ATP2A3: variants seen among roughly 807,000 people sequenced by gnomAD.
ATP2A3 encodes ATPase sarcoplasmic/endoplasmic reticulum Ca2+ transporting 3.
In ATP2A3, 61 loss-of-function variants were observed where a neutral mutation model predicts 106.8. The observed-to-expected ratio is 0.57, with a 90% CI of 0.46 to 0.71. The LOEUF (loss-of-function observed/expected upper bound fraction) is 0.71. ATP2A3 is among the 30% of genes least tolerant of loss of function. The pLI, the probability that ATP2A3 is intolerant of heterozygous loss-of-function variation, is 0.00. For missense variants in ATP2A3, 1,201 were observed against 1,423.5 expected, an observed-to-expected ratio of 0.84 and a Z score of 2.52; for synonymous variants, 611 against 609.3, an observed-to-expected ratio of 1.00 and a Z score of -0.04.
In ATP2A3 at chr17:3,950,769, C is replaced by T. The variant is rs766895025; in HGVS notation, c.468G>A (p.Gly156=). The T allele has an allele frequency of 5.0e-6, 8 of 1,613,024 alleles. No homozygotes were observed. The highest frequency in any genetic ancestry group is 3.3e-5 in the Admixed American group (2 of 59,990). The change falls in exon 6 of 21, where the codon GGG becomes GGA. Residue 156 remains glycine (G), a synonymous_variant. Coordinates refer to ENST00000397041, the MANE Select transcript of ATP2A3 (RefSeq NM_005173.4). ...GGCGGAGGTCAGCAGGCACTTTGTC[C>T]CCCACTGTGCGGGGAGAATGGCTTG... The part of the protein sequence containing the change: ...VPGDIVEVAV[G]DKVPADLRLI...
chr17:3,958,750 A>G (rs1393362365), intron 1 of ATP2A3, among the ~76,000 whole-genome samples: 1 of 146,630 alleles, frequency 6.8e-6, no homozygotes. Context: ...ATAGACACAC[A>G]TATATATACA....
At position 3,924,717 on chromosome 17, in the gene ATP2A3, C is replaced by T; in HGVS notation, c.*705G>A. 4.4e-6 allele frequency: 2 copies of T among 456,060 alleles called. No homozygotes were observed. Among genetic ancestry groups the T allele is most frequent in the Non-Finnish European group, 8.8e-6 (2 of 226,688 alleles). 28.3% of individuals were successfully genotyped at this position (456,060 alleles called of 1,614,324 possible). ...AGGCAGTCCAGCCAGGCTTTCCCGA[C>T]TTGTCTCCCGGGAAAGGACATCCTC... On this transcript the variant is annotated 3_prime_UTR_variant, in exon 21 of 21. Transcript: ENST00000397041. This position sits in a 1 kb window ranked among gnomAD's most constrained non-coding sequence, Gnocchi z 6.4.
At chr17:3,959,268 C>G (rs777450516) in intron 1 of ATP2A3, among the ~76,000 whole-genome samples, 3 of 152,104 alleles carry the variant, frequency 2.0e-5, no homozygotes, top group Non-Finnish European at 4.4e-5. Flanking sequence ...TCATATAAAC[C>G]CCCTTTCCAG....
intron 12 of ATP2A3, 104 bp from the exon 13 acceptor site, chr17:3,941,758 A>T (rs1170690381): frequency 2.5e-6 from 3 of 1,202,638 alleles, no homozygotes; most frequent in Non-Finnish European, 3.6e-6. Flanking sequence ...GGCAAAGGCC[A>T]CCCAAGGGTA....
In ATP2A3 at chr17:3,936,709, G is replaced by T; in HGVS notation, c.2322-240C>A. On this transcript the variant is annotated intron_variant, in intron 15 of 20. Transcript: ENST00000397041. The surrounding 1 kb of genome is among the most constrained non-coding windows in gnomAD (Gnocchi z 5.4). ...TGGACATACCTGCTCTTTAGGCCTA[G>T]CAGAGGCCAAGTACACACACACACA... 1.9e-6 allele frequency: 1 copy of T among 534,268 alleles called. No individual in the cohort carries two copies. 33.1% of individuals were successfully genotyped at this position (534,268 alleles called of 1,614,324 possible).
chr17:3,932,679 A>G (rs1380288103), intron 17 of ATP2A3, among the ~76,000 whole-genome samples: 7 of 152,094 alleles, frequency 4.6e-5, no homozygotes, highest in Admixed American at 6.5e-5. Flanking sequence ...GGCTCAAGTG[A>G]TCTGCCCGCC....
In ATP2A3 at chr17:3,937,447, G is replaced by T; in HGVS notation, c.2290C>A (p.Leu764Ile). The T allele has an allele frequency of 6.2e-7, 1 of 1,612,896 alleles. No homozygotes were observed. The highest frequency in any genetic ancestry group is 1.1e-5 in the South Asian group (1 of 90,926). Residue 764 changes from leucine to isoleucine, a missense_variant, in exon 15 of 21, where the codon CTC becomes ATC. Coordinates refer to ENST00000397041, the MANE Select transcript of ATP2A3 (RefSeq NM_005173.4). Reference sequence around the variant, plus strand: ...ACCTCGCCAACATTGGAGGAGATGAGGTAGCGGATGAATTGCTTCATGTTG... The same window carrying T: ...ACCTCGCCAACATTGGAGGAGATGATGTAGCGGATGAATTGCTTCATGTTG... ...YSNMKQFIRY[L>I]ISSNVGEVVC...
chr17:3,930,287 T>C lies in ATP2A3; in HGVS notation c.2744+14A>G. On this transcript the variant is annotated intron_variant, in intron 18 of 20. Transcript: ENST00000397041. This position sits in a 1 kb window ranked among gnomAD's most constrained non-coding sequence, Gnocchi z 5.4. ...ACTCCTCGGCCCCAGCTCCAGGCCC[T>C]GCGCCCAGCCTACCTGTTGAGGGCA... The C allele has an allele frequency of 1.9e-6, 3 of 1,562,548 alleles. No homozygotes were observed. Among genetic ancestry groups the C allele is most frequent in the Non-Finnish European group, 2.6e-6 (3 of 1,153,298 alleles).
chr17:3,936,484 T>A lies in ATP2A3; in HGVS notation c.2322-15A>T. On this transcript the variant is annotated splice_polypyrimidine_tract_variant and intron_variant, in intron 15 of 20. Transcript: ENST00000397041. This position sits in a 1 kb window ranked among gnomAD's most constrained non-coding sequence, Gnocchi z 5.4. Reference sequence around the variant, plus strand: ...TGAGGAAGATGCTGGAACAGAGTCATGAGCTCTAGCCCCGGTAGGCCTAGC... The same window carrying A: ...TGAGGAAGATGCTGGAACAGAGTCAAGAGCTCTAGCCCCGGTAGGCCTAGC... 1.2e-6 allele frequency: 2 copies of A among 1,613,520 alleles called. No homozygotes were observed. The highest frequency in any genetic ancestry group is 4.5e-5 in the East Asian group (2 of 44,878).
chr17:3,926,949 C>T lies in ATP2A3; in HGVS notation c.2981-1508G>A. ...CTTACACTCCTCCCGTGCTTCCCCA[C>T]TGCCCTGAGGACAATGTCCAGGGTC... On this transcript the variant is annotated intron_variant, in intron 20 of 20. Transcript: ENST00000397041. This position sits in a 1 kb window ranked among gnomAD's most constrained non-coding sequence, Gnocchi z 4.6. 1.0e-6 allele frequency: 1 copy of T among 985,490 alleles called. No homozygotes were observed. The highest frequency in any genetic ancestry group is 1.2e-6 in the Non-Finnish European group (1 of 829,948). The allele number at this position is 985,490 out of a possible 1,614,324, so 61.0% of individuals were successfully genotyped here.
At chr17:3,927,321 T>G (rs2052762707) in intron 20 of ATP2A3, 1 of 985,370 alleles carries the variant, frequency 1.0e-6, no homozygotes, top group Non-Finnish European at 1.2e-6. Flanking sequence ...TTTCTCACTT[T>G]TAAGTTTTCT....
chr17:3,945,104 G>T lies in ATP2A3; in HGVS notation c.1140C>A (p.His380Gln). ...ACGTGGTACCCGAGATGGTGAACTC[G>T]TGCAAAAGGCAGGAGCCCGCATCGG... ...AEADAGSCLLHEFTISGTTYT... is the reference protein window; with the variant it reads ...AEADAGSCLLQEFTISGTTYT... The change falls in exon 9 of 21, where the codon CAC (histidine) becomes CAA (glutamine). Residue 380 changes from histidine (H) to glutamine (Q), a missense_variant. By Grantham distance (24) the His-to-Gln change is conservative (BLOSUM62 0). Around this residue, in one of 2 missense-constraint regions of ATP2A3, gnomAD observed 935 missense variants for 1,176.7 expected, o/e 0.79. Transcript: ENST00000397041. 1 of 1,548,142 alleles carries T rather than the reference G, an allele frequency of 6.5e-7. No homozygotes were observed.
chr17:3,928,798 G>A lies in ATP2A3; in HGVS notation c.2863-18C>T, dbSNP rs1274504996. ...AAAATGAGCTGGCGGGGAGGGGAAGGGAGGTTTGGTTAAAGGAAGGACTGG... is the reference window on the plus strand; with the variant it reads ...AAAATGAGCTGGCGGGGAGGGGAAGAGAGGTTTGGTTAAAGGAAGGACTGG... On this transcript the variant is annotated intron_variant, in intron 19 of 20. Coordinates refer to ENST00000397041, the MANE Select transcript of ATP2A3 (RefSeq NM_005173.4). The surrounding 1 kb of genome is among the most constrained non-coding windows in gnomAD (Gnocchi z 6.1). 1.9e-6 allele frequency: 3 copies of A among 1,546,532 alleles called. No homozygotes were observed. Among genetic ancestry groups the A allele is most frequent in the East Asian group, 4.9e-5 (2 of 41,166 alleles).
Position 3,929,444 on chromosome 17 carries a change from C to T in ATP2A3, c.2746G>A (p.Val916Ile), listed in dbSNP as rs374078983. The T allele has an allele frequency of 1.8e-5, 29 of 1,590,768 alleles. No individual in the cohort carries two copies. The highest frequency in any genetic ancestry group is 1.1e-4 in the Admixed American group (6 of 57,122). The change falls in exon 19 of 21, where the codon GTC becomes ATC. Residue 916 changes from valine to isoleucine, a missense_variant and splice_region_variant. Val to Ile is a conservative substitution (Grantham distance 29, BLOSUM62 3). This residue lies in a region of ATP2A3 where 935 missense variants were observed against 1,176.7 expected (regional missense o/e 0.79). Coordinates refer to ENST00000397041, the MANE Select transcript of ATP2A3 (RefSeq NM_005173.4). The surrounding 1 kb of genome is among the most constrained non-coding windows in gnomAD (Gnocchi z 4.3). ...TIEMCNALNSVSENQSLLRMP... is the reference protein window; with the variant it reads ...TIEMCNALNSISENQSLLRMP... ...CGCAGCAGCGACTGGTTCTCCGAGA[C>T]GCTGCCAGGGCACAGGGTGCTCCCC...
Position 3,936,219 on chromosome 17 carries a change from G to C in ATP2A3, c.2524+48C>G. On this transcript the variant is annotated intron_variant, in intron 16 of 20. Coordinates refer to ENST00000397041, the MANE Select transcript of ATP2A3 (RefSeq NM_005173.4). The surrounding 1 kb of genome is among the most constrained non-coding windows in gnomAD (Gnocchi z 5.4). The stretch of plus-strand genomic sequence containing the variant: ...CTGCAGCTTGCAAGCCTGATACAAG[G>C]CTCTTAGGAAGCTTAGGAATTCCAC... The C allele has an allele frequency of 6.2e-7, 1 of 1,606,318 alleles. No homozygotes were observed. The highest frequency in any genetic ancestry group is 1.1e-5 in the South Asian group (1 of 90,912).
Position 3,928,338 on chromosome 17 carries a change from A to T in ATP2A3, c.2980+325T>A. On this transcript the variant is annotated intron_variant, in intron 20 of 20. Coordinates refer to ENST00000397041, the MANE Select transcript of ATP2A3 (RefSeq NM_005173.4). This position sits in a 1 kb window ranked among gnomAD's most constrained non-coding sequence, Gnocchi z 6.1. ...CTGGATAAAGACAGGCTGGGTGCAGAGGGGTCAGAGGCTGAGGCCCAGAAG... is the reference window on the plus strand; with the variant it reads ...CTGGATAAAGACAGGCTGGGTGCAGTGGGGTCAGAGGCTGAGGCCCAGAAG... The T allele has an allele frequency of 6.2e-7, 1 of 1,611,454 alleles. No individual in the cohort carries two copies. The highest frequency in any genetic ancestry group is 8.5e-7 in the Non-Finnish European group (1 of 1,179,016).
intron 8 of ATP2A3, among the ~76,000 whole-genome samples, chr17:3,945,636 CAG>C (rs1172615058): frequency 1.3e-5 from 2 of 152,212 alleles, no homozygotes; most frequent in African/African-American, 2.4e-5. Flanking sequence ...GAGATGTCCC[CAG>C]AGAGTGAGCC....
rs186416239 is a variant in ATP2A3, at chr17:3,957,332, C to G, written c.119-3622G>C. On this transcript the variant is annotated intron_variant, in intron 1 of 20. Transcript: ENST00000397041. ...GCTCAGGCAGTCTGGTTCTCGACCC[C>G]CTGCTGTGGGCCTCCGATGCTAACT... 5.8e-4 allele frequency among the ~76,000 whole-genome samples: 88 copies of G among 152,318 alleles called. No individual in the cohort carries two copies. In the Middle Eastern group the frequency reaches 0.017, roughly 29 times the overall value.
In ATP2A3 at chr17:3,953,506, A is replaced by AC; in HGVS notation, c.137-78dup. The AC allele has an allele frequency of 1.3e-6, 2 of 1,539,194 alleles. No homozygotes were observed. The highest frequency in any genetic ancestry group is 1.8e-6 in the Non-Finnish European group (2 of 1,114,888). Reference sequence around the variant, plus strand: ...ACTCAGAGCTGGGATGGCCCGGGAGACCTCCCGGCCCATTCCCTCCCTGCA... The same window carrying AC: ...ACTCAGAGCTGGGATGGCCCGGGAGACCCTCCCGGCCCATTCCCTCCCTGCA... On this transcript the variant is annotated intron_variant, in intron 2 of 20. Transcript: ENST00000397041. This position sits in a 1 kb window ranked among gnomAD's most constrained non-coding sequence, Gnocchi z 5.1.
Sources: gnomAD v4.1 joint callset for allele counts (sites outside exome capture counted in the v4.1 genomes callset) on GRCh38, gnomAD v4.1.1 for gene constraint, gnomAD v4.1.1 regional missense constraint, Gnocchi (gnomAD v3.1) non-coding constraint, MANE v1.5 for transcripts, NCBI Gene and HGNC (gene_info 2026-07-23, HGNC 2026-07-21) for gene names.